The following PCMTD1 variants were observed in gnomAD, a reference collection of about 807,000 sequenced individuals.
PCMTD1 encodes the protein protein-L-isoaspartate (D-aspartate) O-methyltransferase domain containing 1.
A neutral mutation model predicts 37.6 loss-of-function variants in PCMTD1; 12 were observed. The observed-to-expected ratio is 0.32, with a 90% CI of 0.20 to 0.52. The LOEUF (loss-of-function observed/expected upper bound fraction) is 0.52, where lower values mean the gene tolerates loss of function less well. Among genes scored for constraint, PCMTD1 ranks in the 20% least tolerant of loss-of-function variants. PCMTD1 has a pLI of 0.97. For missense variants in PCMTD1, 235 were observed against 421.3 expected (o/e 0.56, Z 3.87); for synonymous variants, 117 against 135.8 (o/e 0.86, Z 0.96).
At chr8:51,895,316 TAG>T (rs976389977) in intron 1 of PCMTD1, among the ~76,000 whole-genome samples, 7 of 152,230 alleles carry the variant, frequency 4.6e-5, no homozygotes, top group African/African-American at 1.7e-4. Context: ...ATTATAACTT[TAG>T]ATTATAAACT....
chr8:51,898,394 C>A (rs981277455), intron 1 of PCMTD1, among the ~76,000 whole-genome samples: 1 of 152,146 alleles, frequency 6.6e-6, no homozygotes, highest in Non-Finnish European at 1.5e-5. Context: ...GAGGCCTTGG[C>A]GCCTGCTATA....
At chr8:51,871,605 C>T (rs1011679817) in intron 1 of PCMTD1, among the ~76,000 whole-genome samples, 1 of 152,106 alleles carries the variant, frequency 6.6e-6, no homozygotes, top group Non-Finnish European at 1.5e-5. Context: ...TTTGGTTCCA[C>T]CTATCTTTTC....
chr8:51,878,642 A>C (rs1166480861), intron 1 of PCMTD1, among the ~76,000 whole-genome samples: 2 of 152,124 alleles, frequency 1.3e-5, no homozygotes, highest in Non-Finnish European at 2.9e-5. Flanking sequence ...CCAGCTACTC[A>C]GGAAATGGAG....
At chr8:51,874,506 T>C (rs538282473) in intron 1 of PCMTD1, among the ~76,000 whole-genome samples, 1 of 152,228 alleles carries the variant, frequency 6.6e-6, no homozygotes, top group Non-Finnish European at 1.5e-5. Context: ...TTCAATAAAC[T>C]GTTTAAAAAT....
chr8:51,843,360 C>T (rs2038174486), intron 3 of PCMTD1, among the ~76,000 whole-genome samples: 1 of 152,026 alleles, frequency 6.6e-6, no homozygotes, highest in African/African-American at 2.4e-5. Context: ...CTGTCTTCTT[C>T]AAGACTAGTT....
At chr8:51,868,800 C>A (rs1440969674) in intron 1 of PCMTD1, among the ~76,000 whole-genome samples, 1 of 152,100 alleles carries the variant, frequency 6.6e-6, no homozygotes, top group Non-Finnish European at 1.5e-5. Context: ...TTATTATACT[C>A]ACTGATTTGA....
At chr8:51,848,072 G>C (rs2038248953) in intron 2 of PCMTD1, among the ~76,000 whole-genome samples, 1 of 145,542 alleles carries the variant, frequency 6.9e-6, no homozygotes, top group African/African-American at 2.8e-5. Flanking sequence ...GCAACAGAGA[G>C]AGACCGTGGT....
intron 3 of PCMTD1, chr8:51,839,470 G>T: frequency 1.0e-6 from 1 of 985,244 alleles, no homozygotes. Context: ...TTCTTTATAG[G>T]TGCATGTTGG....
At chr8:51,880,368 T>TA (rs980898467) in intron 1 of PCMTD1, among the ~76,000 whole-genome samples, 76 of 152,182 alleles carry the variant, frequency 5.0e-4, no homozygotes, top group African/African-American at 1.6e-3. Flanking sequence ...ATGATGTTTT[T>TA]AAAAAAAACT....
At chr8:51,859,402 G>T (rs1269427908) in intron 2 of PCMTD1, among the ~76,000 whole-genome samples, 2 of 152,148 alleles carry the variant, frequency 1.3e-5, no homozygotes, top group African/African-American at 4.8e-5. Flanking sequence ...ACAGGGAGGA[G>T]CGCCAAATTT....
intron 2 of PCMTD1, among the ~76,000 whole-genome samples, chr8:51,855,903 T>C (rs947958233): frequency 2.0e-5 from 3 of 151,900 alleles, no homozygotes; most frequent in African/African-American, 7.3e-5. Context: ...CTCCTGACCT[T>C]GTGATCCACC....
At chr8:51,862,051 TAGTAC>T (rs1403892079) in intron 1 of PCMTD1, among the ~76,000 whole-genome samples, 1 of 151,622 alleles carries the variant, frequency 6.6e-6, no homozygotes, top group South Asian at 2.1e-4. Flanking sequence ...GGCTTCTTTA[TAGTAC>T]AGTATAGTAT....
chr8:51,830,670 C>T (rs1365307486), intron 5 of PCMTD1, among the ~76,000 whole-genome samples: 1 of 152,172 alleles, frequency 6.6e-6, no homozygotes, highest in Admixed American at 6.5e-5. Context: ...CACTCTGGAC[C>T]TTATGCCTGA....
intron 1 of PCMTD1, among the ~76,000 whole-genome samples, chr8:51,892,622 A>G (rs936491435): frequency 1.3e-5 from 2 of 152,260 alleles, no homozygotes; most frequent in African/African-American, 4.8e-5. Context: ...CTAAATGCTC[A>G]TTAGTAGGGA....
At chr8:51,895,682 T>G (rs1237326508) in intron 1 of PCMTD1, among the ~76,000 whole-genome samples, 2 of 152,180 alleles carry the variant, frequency 1.3e-5, no homozygotes, top group African/African-American at 4.8e-5. Context: ...GAAAAAATCT[T>G]ACCATATTCT....
intron 5 of PCMTD1, among the ~76,000 whole-genome samples, chr8:51,823,176 C>A (rs2037873125): frequency 6.6e-6 from 1 of 152,146 alleles, no homozygotes; most frequent in South Asian, 2.1e-4. Flanking sequence ...TTTAAAAGTT[C>A]TTTTGGGCCA....
Position 51,883,469 on chromosome 8 carries a change from G to C in PCMTD1, c.-96+15461C>G, listed in dbSNP as rs1007661119. On this transcript the variant is annotated intron_variant, in intron 1 of 5. Coordinates refer to ENST00000522514, the MANE Select transcript of PCMTD1 (RefSeq NM_052937.4). ...TAGAGGGACACACACAAAAACACAG[G>C]GAGAGCAAAGAAATTCAACAGATTT... Among the ~76,000 whole-genome samples, 5 of 152,060 alleles carry C rather than the reference G, an allele frequency of 3.3e-5. No individual in the cohort carries two copies. In the East Asian group the frequency reaches 9.6e-4, roughly 29 times the overall value.
At chr8:51,826,604 G>C (rs534908436) in intron 5 of PCMTD1, among the ~76,000 whole-genome samples, 4 of 152,234 alleles carry the variant, frequency 2.6e-5, no homozygotes, top group Admixed American at 2.6e-4. Context: ...TTTCCCAAAA[G>C]GTAGGCTGTA....
intron 1 of PCMTD1, among the ~76,000 whole-genome samples, chr8:51,873,470 C>G (rs2038666248): frequency 1.3e-5 from 2 of 152,162 alleles, no homozygotes; most frequent in African/African-American, 4.8e-5. Context: ...TTAATCAATT[C>G]TTGAAAATAT....
Sources: gnomAD v4.1 joint callset for allele counts (sites outside exome capture counted in the v4.1 genomes callset) on GRCh38, gnomAD v4.1.1 for gene constraint, MANE v1.5 for transcripts, NCBI Gene and HGNC (gene_info 2026-07-23, HGNC 2026-07-21) for gene names.